Variants in IKZF4 observed in about 807,000 individuals in gnomAD.
IKZF4 encodes IKAROS family zinc finger 4, also known as zinc finger protein Eos.
Under a neutral mutation model 47.7 loss-of-function variants are expected in IKZF4, and 11 were observed. That is an observed-to-expected ratio of 0.23 (90% CI 0.15 to 0.38). IKZF4 has a LOEUF of 0.38. Among genes scored for constraint, IKZF4 ranks in the 10% least tolerant of loss-of-function variants. IKZF4 has a pLI of 1.00. For synonymous variants in IKZF4, 298 were observed against 299.4 expected (o/e 1.00, Z 0.05); for missense variants, 557 against 784.9 (o/e 0.71, Z 3.47).
rs1555207622 is a variant in IKZF4, at chr12:56,037,581, C to G, written c.*2250C>G. The G allele has an allele frequency of 6.6e-6, 1 of 152,552 alleles. No homozygotes were observed. The highest frequency in any genetic ancestry group is 1.5e-5 in the Non-Finnish European group (1 of 68,238). The allele number at this position is 152,552 out of a possible 1,614,324, so 9.4% of individuals were successfully genotyped here. On this transcript the variant is annotated 3_prime_UTR_variant, in exon 8 of 8. Coordinates refer to ENST00000547167, the MANE Select transcript of IKZF4 (RefSeq NM_022465.4). Reference sequence around the variant, plus strand: ...TCAGAGCCTTAGGGTGCCCCCATCCCCTTCCCCAGTCAACTGTGGCACCTG... The same window carrying G: ...TCAGAGCCTTAGGGTGCCCCCATCCGCTTCCCCAGTCAACTGTGGCACCTG...
upstream of IKZF4, among the ~76,000 whole-genome samples, chr12:56,018,620 G>A: frequency 6.6e-6 from 1 of 151,852 alleles, no homozygotes; most frequent in Admixed American, 6.6e-5. Flanking sequence ...AAGCAGAAAA[G>A]AATGGTGGGG....
At chr12:56,034,197 G>A (rs1013936947) in intron 7 of IKZF4, among the ~76,000 whole-genome samples, 13 of 152,134 alleles carry the variant, frequency 8.5e-5, no homozygotes, top group African/African-American at 2.2e-4. Flanking sequence ...CACCGCGCCC[G>A]GCCCGGGCTA....
At chr12:56,007,505 C>A (rs1445373429), upstream of IKZF4, among the ~76,000 whole-genome samples, 5 of 152,056 alleles carry the variant, frequency 3.3e-5, no homozygotes, top group African/African-American at 1.2e-4. Flanking sequence ...GGGGCAAGTC[C>A]CTTCTCAGGT....
At chr12:56,028,532 C>CAAAAA (rs56380320) in intron 5 of IKZF4, among the ~76,000 whole-genome samples, 1 of 52,948 alleles carries the variant, frequency 1.9e-5, no homozygotes, top group African/African-American at 6.0e-5. Flanking sequence ...CACTCAGTCT[C>CAAAAA]AAAAAAAAAA....
rs972627695 is a variant in IKZF4, at chr12:56,023,854, T to C, written c.181+90T>C. On this transcript the variant is annotated intron_variant, in intron 2 of 7. Coordinates refer to ENST00000547167, the MANE Select transcript of IKZF4 (RefSeq NM_022465.4). ...TAGGCTTCCTCTCTCTTTCTTGCAC[T>C]CTCCCTTGCTTTCTCTTTCTCTCTT... 3.9e-6 allele frequency: 6 copies of C among 1,533,926 alleles called. No individual in the cohort carries two copies. In the African/African-American group the frequency reaches 8.3e-5, roughly 21 times the overall value.
upstream of IKZF4, chr12:56,019,294 T>G (rs1465419784): frequency 3.4e-6 from 3 of 887,504 alleles, no homozygotes; most frequent in Non-Finnish European, 4.1e-6. Flanking sequence ...GGAAATGACC[T>G]ATAGCTTATT....
intron 2 of IKZF4, among the ~76,000 whole-genome samples, chr12:56,013,288 G>A (rs2017445): frequency 0.25 from 38,009 of 151,716 alleles, 5,421 homozygotes; most frequent in Non-Finnish European, 0.33. Flanking sequence ...CTCTGCCTCC[G>A]GGGTTCAAAC....
Position 56,015,103 on chromosome 12 carries a change from T to C in IKZF4, c.-213-3023T>C, listed in dbSNP as rs1283908142. 7.9e-5 allele frequency among the ~76,000 whole-genome samples: 12 copies of C among 151,962 alleles called. 1 individual carries two copies. Among genetic ancestry groups the C allele is most frequent in the Admixed American group, 7.9e-4 (12 of 15,256 alleles). On this transcript the variant is annotated intron_variant, in intron 2 of 11. Coordinates refer to the IKZF4 transcript ENST00000262032. ...TTGTTTTGTTTTGTTTGAGACAGAG[T>C]CTTGCTCTTGTCGCCCAGGCTGGAG...
At position 56,030,253 on chromosome 12, in the gene IKZF4, T is replaced by TACAAAA. The variant is rs762298966; in HGVS notation, c.716-2281_716-2276dup. Among the ~76,000 whole-genome samples, 11 of 149,672 alleles carry TACAAAA rather than the reference T, an allele frequency of 7.3e-5. 1 individual carries two copies. In the East Asian group the frequency reaches 1.6e-3, roughly 21 times the overall value. Reference sequence around the variant, plus strand: ...CAACATAGTGAGACTTCGTCTCTACTACAAAAACAAAAACAAAAACAAAAA... The same window carrying TACAAAA: ...CAACATAGTGAGACTTCGTCTCTACTACAAAAACAAAAACAAAAACAAAAACAAAAA... On this transcript the variant is annotated intron_variant, in intron 5 of 7. Transcript: ENST00000547167.
At chr12:56,025,520 C>T (rs1565822689) in intron 3 of IKZF4, among the ~76,000 whole-genome samples, 2 of 152,152 alleles carry the variant, frequency 1.3e-5, no homozygotes. Flanking sequence ...CATTCTCCTA[C>T]CCAGACAGGG....
chr12:56,026,134 C>T (rs1453877952), intron 3 of IKZF4, among the ~76,000 whole-genome samples: 1 of 152,016 alleles, frequency 6.6e-6, no homozygotes, highest in African/African-American at 2.4e-5. Context: ...CAGGGTTTCA[C>T]CATGTTGGCC....
At chr12:56,022,649 A>C (rs1893218433) in intron 1 of IKZF4, among the ~76,000 whole-genome samples, 1 of 152,148 alleles carries the variant, frequency 6.6e-6, no homozygotes, top group Non-Finnish European at 1.5e-5. Flanking sequence ...ATGAAAGTAG[A>C]CTTGATCCTG....
At chr12:56,014,913 G>T (rs1592877359) in intron 2 of IKZF4, among the ~76,000 whole-genome samples, 2 of 152,170 alleles carry the variant, frequency 1.3e-5, no homozygotes, top group South Asian at 4.1e-4. Flanking sequence ...TTGTGTTCTT[G>T]TTCTTGTTCT....
chr12:56,027,954 G>A lies in IKZF4; in HGVS notation c.715+7G>A. The stretch of plus-strand genomic sequence containing the variant: ...CACCTCCGCACACACTCAGGTCAGT[G>A]TCTGTCCAGTGGGAGGAGGGAATGA... On this transcript the variant is annotated splice_region_variant and intron_variant, in intron 5 of 7. Coordinates refer to ENST00000547167, the MANE Select transcript of IKZF4 (RefSeq NM_022465.4). 6.5e-7 allele frequency: 1 copy of A among 1,546,100 alleles called. No individual in the cohort carries two copies. The highest frequency in any genetic ancestry group is 8.7e-7 in the Non-Finnish European group (1 of 1,146,874).
chr12:56,021,365 G>T lies in IKZF4; in HGVS notation c.-129G>T, dbSNP rs921535651. ...TGAGCTGCTCTTGCTGGCTGCAGCC[G>T]TGGGCCTCTGCTCACCGTGCCGCTG... On this transcript the variant is annotated 5_prime_UTR_variant, in exon 1 of 8. Transcript: ENST00000547167. 6.5e-7 allele frequency: 1 copy of T among 1,545,526 alleles called. No individual in the cohort carries two copies. Among genetic ancestry groups the T allele is most frequent in the African/African-American group, 1.4e-5 (1 of 72,488 alleles).
rs1176754246 is a variant in IKZF4, at chr12:56,024,738, C to A, written c.182-316C>A. 2.4e-6 allele frequency: 3 copies of A among 1,226,494 alleles called. No individual in the cohort carries two copies. In the East Asian group the frequency reaches 1.5e-4, roughly 62 times the overall value. 76.0% of individuals were successfully genotyped at this position (1,226,494 alleles called of 1,614,324 possible). A position where few individuals can be genotyped will look rare whatever the true frequency, so the allele number is the denominator to read the frequency against. On this transcript the variant is annotated intron_variant, in intron 2 of 7. Transcript: ENST00000547167. ...TCCTGAACATCTGTCCCTTCTGCAGCCCCCATTTTCCTCTCCGCCCTGGCG... is the reference window on the plus strand; with the variant it reads ...TCCTGAACATCTGTCCCTTCTGCAGACCCCATTTTCCTCTCCGCCCTGGCG...
intron 5 of IKZF4, among the ~76,000 whole-genome samples, chr12:56,029,124 C>G (rs1186141139): frequency 6.6e-6 from 1 of 152,068 alleles, no homozygotes; most frequent in African/African-American, 2.4e-5. Context: ...AAAAGGGAGC[C>G]TAGGACTTCC....
Position 56,034,704 on chromosome 12 carries a change from T to C in IKZF4, c.1131T>C (p.Gly377=), listed in dbSNP as rs767406661. The change falls in exon 8 of 8, where the codon GGT becomes GGC. Residue 377 remains glycine, a synonymous_variant. Coordinates refer to ENST00000547167, the MANE Select transcript of IKZF4 (RefSeq NM_022465.4). ...TTGGAAGTTCCCTGGCCTTTGTGGG[T>C]GCAGAGCATCTGCGTCCCCTCCGCC... ...PGFGSSLAFV[G]AEHLRPLRLP... is the part of the protein sequence containing the mutation. The C allele has an allele frequency of 1.2e-5, 19 of 1,614,018 alleles. No individual in the cohort carries two copies. The highest frequency in any genetic ancestry group is 1.4e-5 in the Non-Finnish European group (17 of 1,179,886).
rs774715458 is a variant in IKZF4, at chr12:56,033,195, G to A, written c.871G>A (p.Glu291Lys). 7.6e-5 allele frequency: 123 copies of A among 1,613,738 alleles called. No homozygotes were observed. Among genetic ancestry groups the A allele is most frequent in the Non-Finnish European group, 2.0e-5 (24 of 1,179,818 alleles). Residue 291 changes from glutamate (E) to lysine (K), a missense_variant, in exon 7 of 8, where the codon GAA (glutamate) becomes AAA (lysine). This residue lies in a region of IKZF4 where 72 missense variants were observed against 112.4 expected (regional missense o/e 0.64). Coordinates refer to ENST00000547167, the MANE Select transcript of IKZF4 (RefSeq NM_022465.4). Reference sequence around the variant, plus strand: ...CTCCACCTTCTTCCCACTAGGTGACGAAATACGTGACCTGGAGATGGTGCC... The same window carrying A: ...CTCCACCTTCTTCCCACTAGGTGACAAAATACGTGACCTGGAGATGGTGCC... ...AQALAGQPGDEIRDLEMVPDS... is the reference protein window; with the variant it reads ...AQALAGQPGDKIRDLEMVPDS...
Sources: gnomAD v4.1 joint callset for allele counts (sites outside exome capture counted in the v4.1 genomes callset) on GRCh38, gnomAD v4.1.1 for gene constraint, gnomAD v4.1.1 regional missense constraint, MANE v1.5 for transcripts, NCBI Gene and HGNC (gene_info 2026-07-23, HGNC 2026-07-21) for gene names.